Variants in KIF16B observed in about 807,000 individuals in gnomAD.
KIF16B encodes kinesin-like protein KIF16B.
KIF16B carries 98 observed loss-of-function variants against 156.3 expected under a neutral mutation model. The observed-to-expected ratio is 0.63, with a 90% confidence interval of 0.53 to 0.74. The LOEUF is 0.74. Among genes scored for constraint, KIF16B ranks in the 30% least tolerant of loss-of-function variants. KIF16B has a pLI of 0.00. For synonymous variants in KIF16B, 564 were observed against 583.7 expected (o/e 0.97, Z 0.49); for missense variants, 1,421 against 1,606.5 (o/e 0.88, Z 1.97).
intron 1 of KIF16B, among the ~76,000 whole-genome samples, chr20:16,544,277 C>T (rs2070315076): frequency 6.6e-6 from 1 of 152,026 alleles, no homozygotes; most frequent in African/African-American, 2.4e-5. Flanking sequence ...CTGGAATGTA[C>T]CTATCTAATC....
At chr20:16,534,243 A>G (rs1461394607) in intron 1 of KIF16B, among the ~76,000 whole-genome samples, 1 of 149,580 alleles carries the variant, frequency 6.7e-6, no homozygotes, top group African/African-American at 2.5e-5. Flanking sequence ...TGAAAGAGCA[A>G]AGCTCTGTCT....
rs865904201 is a variant in KIF16B, at chr20:16,512,838, C to T, written c.434G>A (p.Arg145Gln). ...CCACAGGCCCTACCTGACTTCAGTT[C>T]GAAAAGAAGCTTCATCCCATCTGGT... Reference protein sequence around the residue: ...ETTRWDEASFRTEVSYLEIYN... With the variant: ...ETTRWDEASFQTEVSYLEIYN... Residue 145 changes from arginine to glutamine, a missense_variant, in exon 5 of 26, where the codon CGA (arginine) becomes CAA (glutamine). By Grantham distance (43) the Arg-to-Gln change is conservative. Coordinates refer to ENST00000354981, the MANE Select transcript of KIF16B (RefSeq NM_024704.5). The T allele has an allele frequency of 1.9e-6, 3 of 1,613,248 alleles. No individual in the cohort carries two copies. Among genetic ancestry groups the T allele is most frequent in the Non-Finnish European group, 2.5e-6 (3 of 1,179,202 alleles).
intron 25 of KIF16B, among the ~76,000 whole-genome samples, chr20:16,277,167 G>A (rs2063074770): frequency 6.6e-6 from 1 of 152,204 alleles, no homozygotes; most frequent in Non-Finnish European, 1.5e-5. Context: ...CCGTGTCTGT[G>A]AGATGCGGCC....
intron 2 of KIF16B, among the ~76,000 whole-genome samples, chr20:16,526,799 T>A (rs2069560606): frequency 6.6e-6 from 1 of 152,214 alleles, no homozygotes; most frequent in Non-Finnish European, 1.5e-5. Context: ...TGTTTTAACA[T>A]CTTCATATGC....
intron 15 of KIF16B, among the ~76,000 whole-genome samples, chr20:16,419,174 G>C (rs2066165025): frequency 1.3e-5 from 2 of 152,108 alleles, no homozygotes; most frequent in Non-Finnish European, 2.9e-5. Context: ...CTGTTAAGAA[G>C]AGTTAGGGCT....
At chr20:16,399,211 G>C (rs982579952) in intron 17 of KIF16B, among the ~76,000 whole-genome samples, 1 of 152,072 alleles carries the variant, frequency 6.6e-6, no homozygotes, top group African/African-American at 2.4e-5. Flanking sequence ...CTGCTCACAG[G>C]GCTTGGTGAC....
chr20:16,558,917 A>C (rs868355118), intron 1 of KIF16B, among the ~76,000 whole-genome samples: 3,733 of 151,016 alleles, frequency 0.025, 179 homozygotes, highest in African/African-American at 0.087. Flanking sequence ...AAAAAAAAAA[A>C]AAAACCAAGT....
chr20:16,382,003 T>C, intron 17 of KIF16B: 1 of 979,818 alleles, frequency 1.0e-6, no homozygotes, highest in Non-Finnish European at 1.4e-6. Flanking sequence ...AAAACTGTAT[T>C]GAAAAAGCAG....
chr20:16,326,316 T>C (rs1435918405), intron 24 of KIF16B, among the ~76,000 whole-genome samples: 6 of 150,740 alleles, frequency 4.0e-5, no homozygotes. Context: ...TTAATTAAAC[T>C]AAAAAGCTTC....
At chr20:16,498,158 C>T (rs1247789061) in intron 10 of KIF16B, among the ~76,000 whole-genome samples, 1 of 152,180 alleles carries the variant, frequency 6.6e-6, no homozygotes, top group African/African-American at 2.4e-5. Context: ...TCTCTGATTA[C>T]ATTTCCTTAT....
intron 17 of KIF16B, among the ~76,000 whole-genome samples, chr20:16,385,634 T>C (rs1191845046): frequency 2.6e-5 from 4 of 152,148 alleles, no homozygotes; most frequent in Admixed American, 2.0e-4. Flanking sequence ...CCTGGACACA[T>C]CGAGGGCTGA....
intron 22 of KIF16B, chr20:16,367,980 A>C: frequency 7.0e-7 from 1 of 1,437,694 alleles, no homozygotes; most frequent in South Asian, 1.5e-5. Context: ...AGCCGAGATT[A>C]TCTGACAGGA....
rs1049084195 is a variant in KIF16B, at chr20:16,340,929, T to C, written c.3622-4914A>G. Among the ~76,000 whole-genome samples, 5 of 152,142 alleles carry C rather than the reference T, an allele frequency of 3.3e-5. No individual in the cohort carries two copies. The East Asian group carries it at 7.7e-4, about 23-fold the overall frequency. On this transcript the variant is annotated intron_variant, in intron 23 of 25. Transcript: ENST00000354981. ...ATATAAAAGGCATTTGGGCACAAGA[T>C]GACAAGACAGCAAGAAGAAGATAAA... is the stretch of plus-strand genomic sequence containing the variant.
At chr20:16,553,046 A>G (rs58337614) in intron 1 of KIF16B, among the ~76,000 whole-genome samples, 8,038 of 152,150 alleles carry the variant, frequency 0.053, 690 homozygotes, top group African/African-American at 0.18. Context: ...GATTACAGGC[A>G]TGAGCCACCG....
At chr20:16,300,963 A>T (rs918812059) in intron 25 of KIF16B, among the ~76,000 whole-genome samples, 4 of 152,168 alleles carry the variant, frequency 2.6e-5, no homozygotes, top group Non-Finnish European at 5.9e-5. Context: ...TTACTGCCTT[A>T]AAAATCCTTT....
chr20:16,571,875 C>T (rs1467391076), intron 1 of KIF16B, among the ~76,000 whole-genome samples: 2 of 152,072 alleles, frequency 1.3e-5, no homozygotes, highest in East Asian at 1.9e-4. Flanking sequence ...GTGATCCGCC[C>T]GCCTCGGCCT....
At chr20:16,367,474 T>C in intron 22 of KIF16B, 1 of 1,612,870 alleles carries the variant, frequency 6.2e-7, no homozygotes, top group South Asian at 1.1e-5. Flanking sequence ...AATGCGTGGA[T>C]AAAAAACACA....
intron 17 of KIF16B, among the ~76,000 whole-genome samples, chr20:16,397,154 G>A (rs1383063738): frequency 6.6e-6 from 1 of 152,224 alleles, no homozygotes; most frequent in East Asian, 1.9e-4. Flanking sequence ...GGAGGCTTGA[G>A]CAGTCGGCTT....
intron 3 of KIF16B, 89 bp from the exon 4 acceptor site, chr20:16,515,753 C>T: frequency 1.4e-6 from 1 of 716,356 alleles, no homozygotes; most frequent in Non-Finnish European, 2.4e-6. Context: ...TTGAATGATA[C>T]TTTCAGCTCT....
Sources: gnomAD v4.1 joint callset for allele counts (sites outside exome capture counted in the v4.1 genomes callset) on GRCh38, gnomAD v4.1.1 for gene constraint, MANE v1.5 for transcripts, NCBI Gene and HGNC (gene_info 2026-07-23, HGNC 2026-07-21) for gene names.